ANAPC10: variants seen among roughly 807,000 people sequenced by gnomAD.
ANAPC10 encodes the protein anaphase promoting complex subunit 10.
ANAPC10 carries 12 observed loss-of-function variants against 22.0 expected under a neutral mutation model. That is an observed-to-expected ratio of 0.55 (90% CI 0.35 to 0.88). The LOEUF (loss-of-function observed/expected upper bound fraction) is 0.88, where lower values mean the gene tolerates loss of function less well. ANAPC10 is among the 40% of genes least tolerant of loss of function. The pLI is 0.01. For missense variants in ANAPC10, 188 were observed against 220.9 expected (o/e 0.85, Z 0.94); for synonymous variants, 65 against 69.5 (o/e 0.94, Z 0.32).
intron 3 of ANAPC10, among the ~76,000 whole-genome samples, chr4:145,066,631 A>C (rs899702271): frequency 1.3e-5 from 2 of 152,174 alleles, no homozygotes; most frequent in African/African-American, 4.8e-5. Flanking sequence ...AAAGAATACT[A>C]AAAACACTAA....
At chr4:145,054,652 C>CGCGCGT (rs1741749720) in intron 4 of ANAPC10, among the ~76,000 whole-genome samples, 1 of 143,778 alleles carries the variant, frequency 7.0e-6, no homozygotes, top group Non-Finnish European at 1.5e-5. Flanking sequence ...CGCGCGCGCG[C>CGCGCGT]GCGTGCGTGC....
chr4:145,021,822 C>CA (rs1168097704), intron 4 of ANAPC10, among the ~76,000 whole-genome samples: 16 of 151,278 alleles, frequency 1.1e-4, no homozygotes, highest in African/African-American at 2.7e-4. Flanking sequence ...TCAAATCAGC[C>CA]AAAAAAAATT....
Position 145,064,524 on chromosome 4 carries a change from G to A in ANAPC10, c.327+48C>T, listed in dbSNP as rs748499295. The A allele has an allele frequency of 7.4e-6, 11 of 1,487,770 alleles. No homozygotes were observed. In the Admixed American group the frequency reaches 1.4e-4, roughly 19 times the overall value. 92.2% of individuals were successfully genotyped at this position (1,487,770 alleles called of 1,614,324 possible). ...ATGTCAACTGTGACTATCTTCTAATGAGTAAAAGTTAAAGGATGACATATT... is the reference window on the plus strand; with the variant it reads ...ATGTCAACTGTGACTATCTTCTAATAAGTAAAAGTTAAAGGATGACATATT... On this transcript the variant is annotated intron_variant, in intron 4 of 4. Coordinates refer to ENST00000507656, the MANE Select transcript of ANAPC10 (RefSeq NM_001256706.2).
At chr4:145,019,815 G>T (rs1183357002) in intron 4 of ANAPC10, among the ~76,000 whole-genome samples, 2 of 151,906 alleles carry the variant, frequency 1.3e-5, no homozygotes, top group African/African-American at 4.8e-5. Flanking sequence ...TATGTTTATG[G>T]GCATAAACTT....
rs184701920 is a variant in ANAPC10 at position 145,067,464 on chromosome 4, A to C, written c.207-2772T>G. Among the ~76,000 whole-genome samples, 13 of 152,284 alleles carry C rather than the reference A, an allele frequency of 8.5e-5. No homozygotes were observed. The East Asian group carries it at 2.5e-3, about 29-fold the overall frequency. On this transcript the variant is annotated intron_variant, in intron 3 of 4. Coordinates refer to ENST00000507656, the MANE Select transcript of ANAPC10 (RefSeq NM_001256706.2). The stretch of plus-strand genomic sequence containing the variant: ...ACTCACTACACGCTTTCTCCTGAGA[A>C]AGAGCTTCTGGCAGGAACCAAACAT...
intron 4 of ANAPC10, among the ~76,000 whole-genome samples, chr4:145,026,797 C>T (rs1402378814): frequency 6.7e-6 from 1 of 149,584 alleles, no homozygotes; most frequent in Non-Finnish European, 1.5e-5. Flanking sequence ...TCATTAATAT[C>T]CTCAGTGATA....
chr4:145,091,843 C>T (rs890311533), intron 2 of ANAPC10, among the ~76,000 whole-genome samples: 40 of 151,988 alleles, frequency 2.6e-4, no homozygotes, highest in African/African-American at 8.9e-4. Flanking sequence ...TACTATCCAG[C>T]CATAAAAAGG....
intron 4 of ANAPC10, among the ~76,000 whole-genome samples, chr4:145,048,725 T>G (rs1335588414): frequency 1.3e-5 from 2 of 151,966 alleles, no homozygotes; most frequent in Middle Eastern, 3.2e-3. Flanking sequence ...AGAACATGTA[T>G]GTTTTTCAAG....
intron 4 of ANAPC10, among the ~76,000 whole-genome samples, chr4:145,012,904 T>C (rs1734573302): frequency 2.6e-5 from 4 of 152,174 alleles, no homozygotes; most frequent in Non-Finnish European, 4.4e-5. Flanking sequence ...GACTGGATCA[T>C]GGTGATGGAT....
At chr4:145,095,315 G>C (rs1320433078) in intron 2 of ANAPC10, among the ~76,000 whole-genome samples, 1 of 152,122 alleles carries the variant, frequency 6.6e-6, no homozygotes, top group Non-Finnish European at 1.5e-5. Context: ...TGTCTGAGTA[G>C]TGTGAAGAAA....
chr4:145,032,547 G>A (rs570538419), intron 4 of ANAPC10, among the ~76,000 whole-genome samples: 1 of 152,198 alleles, frequency 6.6e-6, no homozygotes, highest in Non-Finnish European at 1.5e-5. Context: ...CACATGGATA[G>A]GATGACCCGT....
At chr4:145,070,427 T>C (rs749682400) in intron 3 of ANAPC10, among the ~76,000 whole-genome samples, 1 of 152,194 alleles carries the variant, frequency 6.6e-6, no homozygotes. Flanking sequence ...AAATGCTTGA[T>C]AGCACAAAAC....
At chr4:145,045,236 A>G (rs532075725) in intron 4 of ANAPC10, among the ~76,000 whole-genome samples, 12 of 152,234 alleles carry the variant, frequency 7.9e-5, no homozygotes, top group African/African-American at 2.9e-4. Flanking sequence ...AATGTGAATA[A>G]GTACTTTGCA....
At chr4:145,051,136 C>T (rs1412192352) in intron 4 of ANAPC10, among the ~76,000 whole-genome samples, 1 of 152,140 alleles carries the variant, frequency 6.6e-6, no homozygotes, top group Non-Finnish European at 1.5e-5. Flanking sequence ...AGACCATCAT[C>T]ATTAGTTAGA....
intron 4 of ANAPC10, among the ~76,000 whole-genome samples, chr4:145,028,469 C>A (rs976991187): frequency 5.3e-5 from 8 of 151,956 alleles, no homozygotes; most frequent in Non-Finnish European, 1.2e-4. Flanking sequence ...AAACTCATAT[C>A]ATATATATAC....
intron 4 of ANAPC10, among the ~76,000 whole-genome samples, chr4:145,054,804 T>C (rs1741799018): frequency 2.0e-5 from 3 of 152,046 alleles, no homozygotes; most frequent in African/African-American, 7.2e-5. Flanking sequence ...CCCAGCCACT[T>C]GCTCAAGTTT....
chr4:145,007,337 A>C (rs1274919362), intron 4 of ANAPC10, among the ~76,000 whole-genome samples: 1 of 152,134 alleles, frequency 6.6e-6, no homozygotes, highest in African/African-American at 2.4e-5. Context: ...CAGAATATAC[A>C]TTCTTCTCAG....
Position 145,024,421 on chromosome 4 carries a change from G to A in ANAPC10, c.328-28818C>T, listed in dbSNP as rs564729476. Among the ~76,000 whole-genome samples the A allele has an allele frequency of 1.1e-4, 17 of 152,284 alleles. No homozygotes were observed. The South Asian group carries it at 3.5e-3, about 32-fold the overall frequency. ...TATGGCAGCTAATGCCTTATGAAAT[G>A]TATATCTTAAATAATAAGAATTGAA... On this transcript the variant is annotated intron_variant, in intron 4 of 4. Transcript: ENST00000507656.
intron 4 of ANAPC10, among the ~76,000 whole-genome samples, chr4:145,010,861 TA>T (rs1172519198): frequency 1.2e-4 from 18 of 151,846 alleles, no homozygotes; most frequent in Non-Finnish European, 2.5e-4. Flanking sequence ...CTTTAACCAA[TA>T]AAAGGAGAGG....
Sources: gnomAD v4.1 joint callset for allele counts (sites outside exome capture counted in the v4.1 genomes callset) on GRCh38, gnomAD v4.1.1 for gene constraint, MANE v1.5 for transcripts, NCBI Gene and HGNC (gene_info 2026-07-23, HGNC 2026-07-21) for gene names.